The following BRINP3 variants were observed in gnomAD, a reference collection of about 807,000 sequenced individuals.
BRINP3 encodes the protein BMP/retinoic acid inducible neural specific 3.
A neutral mutation model predicts 71.0 loss-of-function variants in BRINP3; 19 were observed. That is an observed-to-expected ratio of 0.27 (90% confidence interval 0.19 to 0.39). The LOEUF is 0.39. BRINP3 is among the 10% of genes least tolerant of loss of function. BRINP3 has a pLI of 1.00. For synonymous variants in BRINP3, 380 were observed against 337.7 expected (o/e 1.13, Z -1.37); for missense variants, 959 against 940.8 (o/e 1.02, Z -0.25).
intron 1 of BRINP3, among the ~76,000 whole-genome samples, chr1:190,473,873 T>A (rs1677317982): frequency 6.6e-6 from 1 of 152,060 alleles, no homozygotes; most frequent in Non-Finnish European, 1.5e-5. Flanking sequence ...TTTCTTCTTT[T>A]TTCCTTCTAT....
At chr1:190,464,766 T>C (rs1251423229) in intron 1 of BRINP3, among the ~76,000 whole-genome samples, 1 of 151,998 alleles carries the variant, frequency 6.6e-6, no homozygotes. Context: ...AATCATATTA[T>C]ACAAGTTAAT....
chr1:190,447,584 GTCTC>G (rs1160894930), intron 2 of BRINP3, among the ~76,000 whole-genome samples: 1 of 146,818 alleles, frequency 6.8e-6, no homozygotes, highest in Non-Finnish European at 1.5e-5. Flanking sequence ...ACGTTTTGCA[GTCTC>G]TCTTTCTCCC....
At chr1:190,461,710 T>A (rs1465090363) in intron 1 of BRINP3, among the ~76,000 whole-genome samples, 1 of 152,126 alleles carries the variant, frequency 6.6e-6, no homozygotes, top group Non-Finnish European at 1.5e-5. Context: ...CAAGACCATA[T>A]AATAAAAAGA....
intron 3 of BRINP3, among the ~76,000 whole-genome samples, chr1:190,275,603 G>T (rs1318373263): frequency 6.6e-6 from 1 of 151,524 alleles, no homozygotes; most frequent in East Asian, 1.9e-4. Flanking sequence ...AAGATCTTGG[G>T]TGTTTTGCAC....
intron 3 of BRINP3, among the ~76,000 whole-genome samples, chr1:190,277,929 A>C (rs1418698639): frequency 1.3e-5 from 2 of 151,712 alleles, no homozygotes; most frequent in African/African-American, 4.8e-5. Flanking sequence ...ATAAAATGAA[A>C]TAAATGGGGA....
chr1:190,225,940 G>A (rs1426622927), intron 6 of BRINP3, 142 bp downstream of exon 6: 2 of 611,672 alleles, frequency 3.3e-6, no homozygotes, highest in East Asian at 5.8e-5. Flanking sequence ...AGTAGTAAAA[G>A]CAATGAAAAT....
chr1:190,226,841 A>C (rs1015851543), intron 5 of BRINP3, among the ~76,000 whole-genome samples: 1 of 151,870 alleles, frequency 6.6e-6, no homozygotes, highest in Admixed American at 6.6e-5. Context: ...ATATAATTCT[A>C]TTTTTCAAGA....
chr1:190,118,742 A>T (rs1175325291), intron 7 of BRINP3, among the ~76,000 whole-genome samples: 2 of 152,356 alleles, frequency 1.3e-5, no homozygotes, highest in Admixed American at 1.3e-4. Flanking sequence ...TATTTCCTTC[A>T]GGCAATTAAA....
intron 2 of BRINP3, among the ~76,000 whole-genome samples, chr1:190,452,184 T>G (rs540221005): frequency 1.3e-5 from 2 of 152,306 alleles, no homozygotes; most frequent in East Asian, 3.9e-4. Flanking sequence ...AAAATATTTT[T>G]GAAGACAAAT....
intron 7 of BRINP3, among the ~76,000 whole-genome samples, chr1:190,118,550 G>T (rs1442461716): frequency 6.6e-6 from 1 of 152,086 alleles, no homozygotes. Context: ...GAACCTAGGA[G>T]ATAAGTACTA....
At chr1:190,466,833 TA>T (rs2102688589) in intron 1 of BRINP3, among the ~76,000 whole-genome samples, 1 of 151,668 alleles carries the variant, frequency 6.6e-6, no homozygotes, top group East Asian at 1.9e-4. Context: ...ATAAATTGAA[TA>T]AAAAATAAAT....
chr1:190,204,040 C>T (rs1036027550), intron 6 of BRINP3, among the ~76,000 whole-genome samples: 1 of 151,158 alleles, frequency 6.6e-6, no homozygotes, highest in Non-Finnish European at 1.5e-5. Flanking sequence ...AAAAATTAAG[C>T]TATTAAAACA....
At chr1:190,350,268 G>A (rs902997255) in intron 2 of BRINP3, among the ~76,000 whole-genome samples, 1 of 152,076 alleles carries the variant, frequency 6.6e-6, no homozygotes, top group Admixed American at 6.6e-5. Context: ...TGTTCTGGAG[G>A]TAACAGGTCC....
At chr1:190,440,172 A>G (rs10920719) in intron 2 of BRINP3, among the ~76,000 whole-genome samples, 29,365 of 151,766 alleles carry the variant, frequency 0.19, 2,887 homozygotes, top group African/African-American at 0.24. Context: ...TAATCTAAGG[A>G]AATCCAACAA....
In BRINP3 at chr1:190,234,353, T is replaced by G; in HGVS notation, c.724+19A>C. The G allele has an allele frequency of 5.3e-5, 84 of 1,571,770 alleles. No homozygotes were observed. The highest frequency in any genetic ancestry group is 1.7e-4 in the Middle Eastern group (1 of 5,960). On this transcript the variant is annotated intron_variant, in intron 5 of 7. Coordinates refer to ENST00000367462, the MANE Select transcript of BRINP3 (RefSeq NM_199051.3). ...GCTATTCAGGCTTGTAGAGAATTAA[T>G]GAAATTTTACCAACATACCTTGCAA...
intron 2 of BRINP3, among the ~76,000 whole-genome samples, chr1:190,398,634 T>C (rs576986032): frequency 2.6e-5 from 4 of 152,184 alleles, no homozygotes; most frequent in East Asian, 3.9e-4. Flanking sequence ...AAAAATCTCC[T>C]GAAACATAGT....
At chr1:190,158,664 A>T (rs886208824) in intron 7 of BRINP3, among the ~76,000 whole-genome samples, 2 of 152,112 alleles carry the variant, frequency 1.3e-5, no homozygotes, top group African/African-American at 4.8e-5. Flanking sequence ...GAAAATTCTC[A>T]AATTAATAAC....
chr1:190,295,532 T>G (rs1664181648), intron 2 of BRINP3, among the ~76,000 whole-genome samples: 1 of 152,126 alleles, frequency 6.6e-6, no homozygotes, highest in Non-Finnish European at 1.5e-5. Flanking sequence ...ACAGCCTGCT[T>G]GCCACTGAAA....
At chr1:190,350,174 C>CA (rs1426932773) in intron 2 of BRINP3, among the ~76,000 whole-genome samples, 1 of 152,068 alleles carries the variant, frequency 6.6e-6, no homozygotes, top group Non-Finnish European at 1.5e-5. Flanking sequence ...CATTGAAACA[C>CA]AAGGCTAAAG....
Sources: gnomAD v4.1 joint callset for allele counts (sites outside exome capture counted in the v4.1 genomes callset) on GRCh38, gnomAD v4.1.1 for gene constraint, MANE v1.5 for transcripts, NCBI Gene and HGNC (gene_info 2026-07-23, HGNC 2026-07-21) for gene names.